SFTPD: variants seen among roughly 807,000 people sequenced by gnomAD.
The protein encoded by SFTPD is pulmonary surfactant-associated protein D.
In SFTPD, 18 loss-of-function variants were observed where a neutral mutation model predicts 34.6. The observed-to-expected ratio is 0.52, with a 90% confidence interval of 0.36 to 0.77. The LOEUF is 0.77. SFTPD is among the 30% of genes least tolerant of loss of function. The pLI is 0.00. For synonymous variants in SFTPD, 155 were observed against 180.9 expected, an observed-to-expected ratio of 0.86 and a Z score of 1.15; for missense variants, 433 against 468.9, an observed-to-expected ratio of 0.92 and a Z score of 0.71.
At chr10:79,938,341 G>T in intron 7 of SFTPD, 113 bp from the exon 8 acceptor site, 1 of 884,586 alleles carries the variant, frequency 1.1e-6, no homozygotes, top group Non-Finnish European at 1.7e-6. Flanking sequence ...AACAGGCACC[G>T]CATCAGGATG....
intron 2 of SFTPD, among the ~76,000 whole-genome samples, chr10:79,943,932 A>G (rs1304202116): frequency 1.3e-5 from 2 of 152,106 alleles, no homozygotes; most frequent in Non-Finnish European, 2.9e-5. Context: ...GAAAAATGTC[A>G]CTCTCCAGAA....
chr10:79,962,910 A>G (rs1255589996), intron 1 of SFTPD, among the ~76,000 whole-genome samples: 1 of 152,166 alleles, frequency 6.6e-6, no homozygotes, highest in African/African-American at 2.4e-5. Context: ...TGACTCTTTC[A>G]GGTTTTATAA....
chr10:79,945,776 G>A lies in SFTPD; in HGVS notation c.199+685C>T, dbSNP rs142767511. On this transcript the variant is annotated intron_variant, in intron 2 of 7. Coordinates refer to ENST00000372292, the MANE Select transcript of SFTPD (RefSeq NM_003019.5). Reference sequence around the variant, plus strand: ...AAAAACAGACTCAGTGACACTGAGGGGCTCTCCCAGTGTGGAGATGGAGCC... The same window carrying A: ...AAAAACAGACTCAGTGACACTGAGGAGCTCTCCCAGTGTGGAGATGGAGCC... Among the ~76,000 whole-genome samples, 304 of 152,284 alleles carry A rather than the reference G, an allele frequency of 2.0e-3. 1 individual carries two copies. The highest frequency in any genetic ancestry group is 7.1e-3 in the African/African-American group (294 of 41,550).
chr10:79,947,865 G>A (rs1017005156), intron 1 of SFTPD, among the ~76,000 whole-genome samples: 1 of 152,162 alleles, frequency 6.6e-6, no homozygotes, highest in Non-Finnish European at 1.5e-5. Flanking sequence ...TAACTGTTTT[G>A]GGTATCTTTT....
At chr10:79,939,118 C>T (rs1842586914) in intron 7 of SFTPD, among the ~76,000 whole-genome samples, 2 of 152,068 alleles carry the variant, frequency 1.3e-5, no homozygotes, top group Admixed American at 1.3e-4. Flanking sequence ...AAGTCACTTC[C>T]CTTTTCAGGG....
intron 1 of SFTPD, chr10:79,971,922 T>C (rs1266585379): frequency 1.3e-5 from 2 of 152,208 alleles, no homozygotes; most frequent in Non-Finnish European, 2.9e-5. Flanking sequence ...TTTTGTTTAA[T>C]AGGTTTTCTA....
At chr10:79,955,467 AAC>A (rs1185320021) in intron 1 of SFTPD, among the ~76,000 whole-genome samples, 3 of 152,184 alleles carry the variant, frequency 2.0e-5, no homozygotes, top group Non-Finnish European at 4.4e-5. Context: ...CAAACAAACA[AAC>A]AAAGAAAACC....
At chr10:79,982,212 A>T in intron 1 of SFTPD, 1 of 563,076 alleles carries the variant, frequency 1.8e-6, no homozygotes, top group Non-Finnish European at 2.6e-6. Context: ...TGGGGCTCGG[A>T]TCTACCTTCC....
intron 1 of SFTPD, among the ~76,000 whole-genome samples, chr10:79,962,721 C>T (rs1420214826): frequency 6.6e-6 from 1 of 152,022 alleles, no homozygotes; most frequent in African/African-American, 2.4e-5. Flanking sequence ...GGGAGAGTTT[C>T]CATTTTTTAA....
At chr10:79,958,367 A>G (rs933765883) in intron 1 of SFTPD, among the ~76,000 whole-genome samples, 47 of 152,346 alleles carry the variant, frequency 3.1e-4, no homozygotes, top group African/African-American at 1.1e-3. Flanking sequence ...AATTGGATAA[A>G]GAGTCAAGAC....
rs1554818360 is a variant in SFTPD, at chr10:79,965,552, T to TA, written c.36+17022dup. On this transcript the variant is annotated intron_variant, in intron 1 of 5. Transcript: ENST00000444384. ...CATTTTATTTTTCTTTTTTTTTTTT[T>TA]AATTTTTTATTTTTTATTTTTTATT... Among the ~76,000 whole-genome samples, 6 of 113,798 alleles carry TA rather than the reference T, an allele frequency of 5.3e-5. 1 individual carries two copies. Among genetic ancestry groups the TA allele is most frequent in the East Asian group, 1.1e-3 (2 of 1,748 alleles). The allele number at this position is 113,798 out of a possible 152,430, so 74.7% of individuals were successfully genotyped here. A position where few individuals can be genotyped will look rare whatever the true frequency, so the allele number is the denominator to read the frequency against.
chr10:79,976,464 G>A (rs1482051093), intron 1 of SFTPD, among the ~76,000 whole-genome samples: 2 of 152,138 alleles, frequency 1.3e-5, no homozygotes, highest in Non-Finnish European at 2.9e-5. Context: ...AGTTTGGGAG[G>A]GTGAGTGATA....
chr10:79,971,452 T>A (rs1410632725), intron 1 of SFTPD: 1 of 152,222 alleles, frequency 6.6e-6, no homozygotes, highest in African/African-American at 2.4e-5. Flanking sequence ...TTCTTAAATA[T>A]CTGGCATAAT....
At chr10:79,939,945 A>G (rs545820867) in intron 7 of SFTPD, among the ~76,000 whole-genome samples, 3 of 141,094 alleles carry the variant, frequency 2.1e-5, no homozygotes, top group East Asian at 4.2e-4. Flanking sequence ...CTGACTCTTC[A>G]GGATTCCAGG....
At chr10:79,957,962 C>A (rs998912518) in intron 1 of SFTPD, among the ~76,000 whole-genome samples, 2 of 152,216 alleles carry the variant, frequency 1.3e-5, no homozygotes, top group Non-Finnish European at 2.9e-5. Context: ...TCAGCAGAAA[C>A]TCTACAAGCC....
In SFTPD at chr10:79,962,258, C is replaced by T. The variant is rs370526266; in HGVS notation, c.37-15596G>A. ...CATGTATACATATGTAACAAACCTG[C>T]ACATTGTGCACATGTACCCTAAAAC... On this transcript the variant is annotated intron_variant, in intron 1 of 5. Coordinates refer to the SFTPD transcript ENST00000444384. Among the ~76,000 whole-genome samples, 138 of 151,290 alleles carry T rather than the reference C, an allele frequency of 9.1e-4. 3 individuals carry two copies. In the South Asian group the frequency reaches 0.024, roughly 27 times the overall value.
chr10:79,975,611 G>A (rs1842860297), intron 1 of SFTPD, among the ~76,000 whole-genome samples: 1 of 152,156 alleles, frequency 6.6e-6, no homozygotes, highest in African/African-American at 2.4e-5. Flanking sequence ...CCCTAACCCA[G>A]CGGCACTAGA....
chr10:79,946,510 G>C lies in SFTPD; in HGVS notation c.150C>G (p.Arg50=). ...CSSVESGLPG[R]DGRDGREGPR... is the part of the protein sequence containing the mutation. ...GGCCCTCTCTCCCATCCCGTCCATC[G>C]CGACCAGGCAGGCCACTCTCCACTG... Residue 50 remains arginine, a synonymous_variant, in exon 2 of 8, where the codon CGC becomes CGG. Transcript: ENST00000372292. 1 of 1,614,070 alleles carries C rather than the reference G, an allele frequency of 6.2e-7. No homozygotes were observed. The highest frequency in any genetic ancestry group is 1.1e-5 in the South Asian group (1 of 91,078).
In SFTPD at chr10:79,942,393, G is replaced by A. The variant is rs764846465; in HGVS notation, c.428C>T (p.Pro143Leu). Residue 143 changes from proline (P) to leucine (L), a missense_variant, in exon 4 of 8, where the codon CCC (proline) becomes CTC (leucine). Physicochemically the swap from Pro to Leu is moderately conservative, Grantham distance 98 (BLOSUM62 -3). Coordinates refer to ENST00000372292, the MANE Select transcript of SFTPD (RefSeq NM_003019.5). The part of the protein sequence containing the change: ...GKPGPKGEAG[P>L]KGEVGAPGMQ... ...GCCACAGACCAGCCACCTACCTTTG[G>A]GCCCAGCTTCTCCTTTTGGGCCTGG... 3.7e-6 allele frequency: 6 copies of A among 1,606,538 alleles called. No individual in the cohort carries two copies. The Admixed American group carries it at 1.0e-4, about 27-fold the overall frequency.
Sources: gnomAD v4.1 joint callset for allele counts (sites outside exome capture counted in the v4.1 genomes callset) on GRCh38, gnomAD v4.1.1 for gene constraint, MANE v1.5 for transcripts, NCBI Gene and HGNC (gene_info 2026-07-23, HGNC 2026-07-21) for gene names.